Variants in CHLSN observed in about 807,000 individuals in gnomAD.
CHLSN encodes cholesin.
the CHLSN span, chr7:1,091,624 C>T: frequency 6.6e-6 from 6 of 914,232 alleles, no homozygotes; most frequent in Non-Finnish European, 1.0e-5. Flanking sequence ...AAATGCCAGG[C>T]TCACTTCAAG....
the CHLSN span, among the ~76,000 whole-genome samples, chr7:1,000,913 G>A: frequency 6.6e-6 from 1 of 152,328 alleles, no homozygotes; most frequent in South Asian, 2.1e-4. Flanking sequence ...CGATGTAATT[G>A]ATGATGTATT....
chr7:1,117,259 G>A, the CHLSN span, among the ~76,000 whole-genome samples: 2 of 67,632 alleles, frequency 3.0e-5, no homozygotes, highest in Non-Finnish European at 5.3e-5. Context: ...ACAGCTCTAC[G>A]GACCGGCTTC....
the CHLSN span, among the ~76,000 whole-genome samples, chr7:981,586 T>TCAA: frequency 6.6e-6 from 1 of 152,020 alleles, no homozygotes; most frequent in Non-Finnish European, 1.5e-5. Flanking sequence ...TGGTGGCATG[T>TCAA]GCCTGTAATC....
At chr7:1,017,985 G>A in the CHLSN span, among the ~76,000 whole-genome samples, 1 of 152,224 alleles carries the variant, frequency 6.6e-6, no homozygotes, top group Non-Finnish European at 1.5e-5. Context: ...GGTGACAGAA[G>A]ACCTAGTAGA....
At chr7:1,071,006 G>T in the CHLSN span, among the ~76,000 whole-genome samples, 1 of 145,962 alleles carries the variant, frequency 6.9e-6, no homozygotes, top group African/African-American at 2.5e-5. Context: ...ACGTGCACAC[G>T]CACATGCACA....
the CHLSN span, chr7:985,371 T>C: frequency 1.3e-6 from 2 of 1,532,124 alleles, no homozygotes; most frequent in Non-Finnish European, 1.8e-6. Flanking sequence ...CCTGGAGTGA[T>C]GGGCGTGCAG....
chr7:987,195 C>G, the CHLSN span: 5 of 1,552,262 alleles, frequency 3.2e-6, no homozygotes, highest in African/African-American at 6.8e-5. Flanking sequence ...ACGACCTCGG[C>G]CACGCTGCAG....
At chr7:989,290 C>T in the CHLSN span, 1 of 168,248 alleles carries the variant, frequency 5.9e-6, no homozygotes, top group African/African-American at 2.4e-5. Context: ...TCCTGGAACA[C>T]TTCCTGCAGC....
the CHLSN span, among the ~76,000 whole-genome samples, chr7:1,115,429 T>C: frequency 2.6e-5 from 4 of 152,228 alleles, no homozygotes; most frequent in Non-Finnish European, 2.9e-5. Flanking sequence ...GCGCTCCCCA[T>C]CACCTCCCAG....
At chr7:988,540 G>A in the CHLSN span, 9 of 1,597,806 alleles carry the variant, frequency 5.6e-6, no homozygotes, top group African/African-American at 1.3e-5. Context: ...GGCGGCTGTG[G>A]TGGCTGCTCC....
chr7:987,887 T>C, the CHLSN span, among the ~76,000 whole-genome samples: 1 of 149,760 alleles, frequency 6.7e-6, no homozygotes, highest in Non-Finnish European at 1.5e-5. Flanking sequence ...CCCCTGTGTG[T>C]CCTGAGGGGT....
chr7:989,273 T>G, the CHLSN span: 24 of 169,664 alleles, frequency 1.4e-4, no homozygotes, highest in Non-Finnish European at 2.1e-4. Context: ...CCCCACTCCA[T>G]TCCCGCTCCT....
chr7:1,033,554 C>T, the CHLSN span, among the ~76,000 whole-genome samples: 2 of 150,312 alleles, frequency 1.3e-5, no homozygotes, highest in Non-Finnish European at 3.0e-5. Context: ...TGCGAAACTC[C>T]GTCTCAAAAA....
At chr7:1,001,297 C>G in the CHLSN span, among the ~76,000 whole-genome samples, 1 of 152,086 alleles carries the variant, frequency 6.6e-6, no homozygotes, top group Non-Finnish European at 1.5e-5. Flanking sequence ...GTGAGCGCTG[C>G]CCAGCTTGCC....
the CHLSN span, among the ~76,000 whole-genome samples, chr7:1,033,547 G>A: frequency 6.7e-5 from 10 of 149,794 alleles, no homozygotes; most frequent in African/African-American, 1.7e-4. Context: ...CAATAAGTGC[G>A]AAACTCCGTC....
chr7:1,066,116 C>T, the CHLSN span, among the ~76,000 whole-genome samples: 3 of 152,236 alleles, frequency 2.0e-5, no homozygotes, highest in Admixed American at 6.5e-5. Flanking sequence ...CGCCGGCAGC[C>T]GGCGGCTGGA....
chr7:1,110,539 C>A, the CHLSN span, among the ~76,000 whole-genome samples: 3 of 152,216 alleles, frequency 2.0e-5, no homozygotes, highest in Non-Finnish European at 4.4e-5. Flanking sequence ...CCATGGCTCC[C>A]GTGGGGCAGA....
At chr7:986,751 G>A in the CHLSN span, 4 of 1,605,626 alleles carry the variant, frequency 2.5e-6, no homozygotes, top group African/African-American at 2.7e-5. Context: ...GTGTGCCCGG[G>A]GGACCCCGTG....
the CHLSN span, among the ~76,000 whole-genome samples, chr7:1,041,373 T>C: frequency 7.9e-4 from 88 of 111,928 alleles, no homozygotes; most frequent in Middle Eastern, 5.3e-3. Context: ...GGGTCCGCGC[T>C]GCAGGGGAAC....
Sources: allele counts gnomAD v4.1 joint callset (sites outside exome capture counted in the v4.1 genomes callset), GRCh38; gene constraint gnomAD v4.1.1; transcripts MANE v1.5; gene names NCBI Gene and HGNC (gene_info 2026-07-23, HGNC 2026-07-21).